The following CDH23 variants were observed in gnomAD, a reference collection of about 807,000 sequenced individuals.
The protein encoded by CDH23 is cadherin-23.
A neutral mutation model predicts 317.1 loss-of-function variants in CDH23; 189 were observed. The ratio of observed to expected loss-of-function variants is 0.60; its 90% CI spans 0.53 to 0.67. The LOEUF (loss-of-function observed/expected upper bound fraction) is 0.67, where lower values mean the gene tolerates loss of function less well. Ranked by LOEUF, CDH23 falls within the 30% of genes least tolerant of loss-of-function variation. CDH23 has a pLI of 0.00. For synonymous variants in CDH23, 1,839 were observed against 1,876.8 expected (o/e 0.98, Z 0.52); for missense variants, 4,401 against 4,592.4 (o/e 0.96, Z 1.20).
chr10:71,623,538 C>T (rs1007258510), intron 11 of CDH23, among the ~76,000 whole-genome samples: 18 of 152,278 alleles, frequency 1.2e-4, no homozygotes, highest in Admixed American at 1.2e-3. Flanking sequence ...TGGTCTGAGT[C>T]GCCTTTCTCA....
At chr10:71,623,015 A>G in intron 11 of CDH23, 3 of 924,704 alleles carry the variant, frequency 3.2e-6, no homozygotes, top group Non-Finnish European at 2.6e-6. Flanking sequence ...TCAAGCAACA[A>G]GTGTTATGTG....
intron 64 of CDH23, 31 bp downstream of exon 64, chr10:71,811,621 G>T: frequency 6.2e-7 from 1 of 1,613,716 alleles, no homozygotes; most frequent in Non-Finnish European, 8.5e-7. Flanking sequence ...CCATCAGGGG[G>T]CCGACCACCT....
chr10:71,476,186 G>A (rs1851787449), intron 3 of CDH23, among the ~76,000 whole-genome samples: 1 of 152,152 alleles, frequency 6.6e-6, no homozygotes, highest in African/African-American at 2.4e-5. Context: ...CCCAGGAAAA[G>A]TACAGGATGC....
At chr10:71,545,112 T>C (rs118172426) in intron 6 of CDH23, among the ~76,000 whole-genome samples, 4 of 152,320 alleles carry the variant, frequency 2.6e-5, no homozygotes, top group African/African-American at 9.6e-5. Context: ...AAGCACCAGA[T>C]GCAATAGCTT....
chr10:71,727,050 C>T (rs768064715), intron 30 of CDH23, among the ~76,000 whole-genome samples: 2 of 152,234 alleles, frequency 1.3e-5, no homozygotes, highest in African/African-American at 2.4e-5. Context: ...TGCCCGTCTC[C>T]CCTGAACCCT....
chr10:71,684,390 TG>T (rs924419678), intron 18 of CDH23, among the ~76,000 whole-genome samples: 3 of 152,202 alleles, frequency 2.0e-5, no homozygotes, highest in African/African-American at 7.2e-5. Context: ...AATTCTGTGC[TG>T]GGCCCCCAGT....
At chr10:71,698,149 A>G (rs574303169) in intron 22 of CDH23, among the ~76,000 whole-genome samples, 154 of 152,340 alleles carry the variant, frequency 1.0e-3, no homozygotes, top group Non-Finnish European at 1.6e-3. Flanking sequence ...ATTTTCTGGA[A>G]TTCCCAGTTA....
At chr10:71,428,089 A>C (rs1849189431) in intron 1 of CDH23, among the ~76,000 whole-genome samples, 1 of 151,190 alleles carries the variant, frequency 6.6e-6, no homozygotes, top group Non-Finnish European at 1.5e-5. Flanking sequence ...CCAGAAATGC[A>C]CAGGAATTCC....
intron 6 of CDH23, among the ~76,000 whole-genome samples, chr10:71,524,350 T>A (rs1854894638): frequency 6.6e-6 from 1 of 152,120 alleles, no homozygotes; most frequent in African/African-American, 2.4e-5. Context: ...AAGAGAGGAA[T>A]TCCATGAACC....
intron 11 of CDH23, among the ~76,000 whole-genome samples, chr10:71,623,786 ACT>A (rs1239863223): frequency 6.6e-6 from 1 of 152,210 alleles, no homozygotes; most frequent in Non-Finnish European, 1.5e-5. Flanking sequence ...TTCCCAGGAC[ACT>A]GAGTTGGCCC....
At chr10:71,486,344 A>G (rs1399803704) in intron 3 of CDH23, among the ~76,000 whole-genome samples, 1 of 152,134 alleles carries the variant, frequency 6.6e-6, no homozygotes, top group African/African-American at 2.4e-5. Flanking sequence ...TGAATGTGTG[A>G]CCATCAGGGA....
At chr10:71,692,788 G>A (rs899556831) in intron 20 of CDH23, among the ~76,000 whole-genome samples, 4 of 152,326 alleles carry the variant, frequency 2.6e-5, no homozygotes, top group South Asian at 4.1e-4. Flanking sequence ...GAAGTTAAGC[G>A]ACTTGGCCCA....
intron 18 of CDH23, among the ~76,000 whole-genome samples, chr10:71,685,697 G>A (rs1864847616): frequency 6.6e-6 from 1 of 152,214 alleles, no homozygotes; most frequent in Non-Finnish European, 1.5e-5. Flanking sequence ...CCCTGGCCCT[G>A]GGGCAGCCGG....
Position 71,756,531 on chromosome 10 carries a change from G to A in CDH23, c.4845+14610G>A, listed in dbSNP as rs187733834. On this transcript the variant is annotated intron_variant, in intron 38 of 69. Coordinates refer to ENST00000224721, the MANE Select transcript of CDH23 (RefSeq NM_022124.6). ...AAATTCCTAGCGGTCAAAGTGCTGAGCCAAAGAGTATGTGCATTTTCTTTT... is the reference window on the plus strand; with the variant it reads ...AAATTCCTAGCGGTCAAAGTGCTGAACCAAAGAGTATGTGCATTTTCTTTT... Among the ~76,000 whole-genome samples, 96 of 152,324 alleles carry A rather than the reference G, an allele frequency of 6.3e-4. No homozygotes were observed. The Middle Eastern group carries it at 0.031, about 49-fold the overall frequency.
intron 38 of CDH23, chr10:71,749,363 G>A (rs1442323145): frequency 6.6e-6 from 1 of 152,158 alleles, no homozygotes; most frequent in East Asian, 1.9e-4. Flanking sequence ...CTGGAGTGTA[G>A]TGGCTCGAAC....
intron 38 of CDH23, among the ~76,000 whole-genome samples, chr10:71,742,834 G>A (rs980583580): frequency 6.6e-6 from 1 of 152,212 alleles, no homozygotes; most frequent in African/African-American, 2.4e-5. Context: ...CATAGTTAGC[G>A]CTAATTCTGC....
At chr10:71,441,050 A>T (rs1849852051) in intron 2 of CDH23, among the ~76,000 whole-genome samples, 1 of 152,034 alleles carries the variant, frequency 6.6e-6, no homozygotes, top group Non-Finnish European at 1.5e-5. Flanking sequence ...GCTCACTCCC[A>T]TCCAGGCAGC....
intron 3 of CDH23, among the ~76,000 whole-genome samples, chr10:71,490,068 C>G (rs372610098): frequency 3.3e-5 from 5 of 152,130 alleles, no homozygotes; most frequent in African/African-American, 4.8e-5. Flanking sequence ...GGGCAAGATT[C>G]TGCCTTAGGC....
intron 14 of CDH23, among the ~76,000 whole-genome samples, chr10:71,668,917 A>G (rs1864026201): frequency 6.6e-6 from 1 of 152,266 alleles, no homozygotes; most frequent in Non-Finnish European, 1.5e-5. Flanking sequence ...CATCACAGAA[A>G]TAAGCACTTG....
Sources: gnomAD v4.1 joint callset for allele counts (sites outside exome capture counted in the v4.1 genomes callset) on GRCh38, gnomAD v4.1.1 for gene constraint, MANE v1.5 for transcripts, NCBI Gene and HGNC (gene_info 2026-07-23, HGNC 2026-07-21) for gene names.